LARGE1: variants seen among roughly 807,000 people sequenced by gnomAD.
LARGE1 encodes the protein xylosyl- and glucuronyltransferase LARGE1.
In LARGE1, 43 loss-of-function variants were observed where a neutral mutation model predicts 87.6. The ratio of observed to expected loss-of-function variants is 0.49; its 90% CI spans 0.38 to 0.63. The LOEUF is 0.63. LARGE1 is among the 30% of genes least tolerant of loss of function. The pLI is 0.00. For synonymous variants in LARGE1, 434 were observed against 394.6 expected, an observed-to-expected ratio of 1.10 and a Z score of -1.18; for missense variants, 802 against 1,000.2, an observed-to-expected ratio of 0.80 and a Z score of 2.67.
At chr22:33,547,013 T>C (rs1415555165) in intron 6 of LARGE1, among the ~76,000 whole-genome samples, 1 of 152,058 alleles carries the variant, frequency 6.6e-6, no homozygotes, top group African/African-American at 2.4e-5. Flanking sequence ...ACTTGCCAGT[T>C]AGAAGATTTT....
intron 2 of LARGE1, among the ~76,000 whole-genome samples, chr22:33,664,093 C>T (rs911601906): frequency 3.3e-5 from 5 of 152,200 alleles, no homozygotes; most frequent in East Asian, 1.9e-4. Context: ...TGTCTCAACA[C>T]GTCAACTGAA....
intron 2 of LARGE1, among the ~76,000 whole-genome samples, chr22:33,675,596 C>T (rs533724343): frequency 5.9e-5 from 9 of 152,214 alleles, no homozygotes; most frequent in African/African-American, 2.2e-4. Context: ...GGAGATCCAG[C>T]GATGAGCTGC....
At chr22:33,399,578 CT>C (rs1024118651) in intron 7 of LARGE1, among the ~76,000 whole-genome samples, 2 of 151,288 alleles carry the variant, frequency 1.3e-5, no homozygotes, top group Non-Finnish European at 3.0e-5. Context: ...GAAACTTCTG[CT>C]TTTTTTTTGC....
chr22:33,371,354 T>C (rs2064802580), intron 9 of LARGE1, among the ~76,000 whole-genome samples: 1 of 152,180 alleles, frequency 6.6e-6, no homozygotes, highest in Non-Finnish European at 1.5e-5. Flanking sequence ...CAGCATACAT[T>C]TTTGGCTGGG....
chr22:33,239,765 C>T (rs1022399473), intron 11 of LARGE1, among the ~76,000 whole-genome samples: 7 of 151,906 alleles, frequency 4.6e-5, no homozygotes, highest in Non-Finnish European at 1.0e-4. Flanking sequence ...TCTCGAACTC[C>T]TGACCTTGTG....
chr22:33,544,694 C>CAACAACAACAACCACA (rs1555952160), intron 6 of LARGE1, among the ~76,000 whole-genome samples: 8 of 136,530 alleles, frequency 5.9e-5, no homozygotes, highest in African/African-American at 2.3e-4. Context: ...AAACAACAAC[C>CAACAACAACAACCACA]ACAACAACAA....
intron 3 of LARGE1, among the ~76,000 whole-genome samples, chr22:33,633,012 G>T (rs1024548065): frequency 6.6e-5 from 10 of 152,160 alleles, no homozygotes; most frequent in African/African-American, 2.4e-4. Flanking sequence ...GCAGAACTGT[G>T]AACTGGGTTC....
intron 6 of LARGE1, among the ~76,000 whole-genome samples, chr22:33,464,660 C>T: frequency 6.6e-6 from 1 of 152,130 alleles, no homozygotes; most frequent in African/African-American, 2.4e-5. Flanking sequence ...TCTCAGGTAT[C>T]ATTCTTCTAG....
intron 9 of LARGE1, among the ~76,000 whole-genome samples, chr22:33,341,356 A>G (rs144776850): frequency 9.1e-4 from 138 of 152,070 alleles, no homozygotes; most frequent in African/African-American, 3.2e-3. Context: ...GCCAGACTGG[A>G]CTACGACACT....
chr22:33,246,201 A>T (rs1340599589), intron 11 of LARGE1, among the ~76,000 whole-genome samples: 3 of 152,188 alleles, frequency 2.0e-5, no homozygotes, highest in Non-Finnish European at 4.4e-5. Flanking sequence ...CAAGTGTAGA[A>T]GAGTCCAACA....
At chr22:33,425,030 G>A (rs1017582414) in intron 7 of LARGE1, among the ~76,000 whole-genome samples, 3 of 151,926 alleles carry the variant, frequency 2.0e-5, no homozygotes, top group African/African-American at 7.3e-5. Flanking sequence ...TTGGGAGGTG[G>A]AAACGGGTGG....
intron 11 of LARGE1, among the ~76,000 whole-genome samples, chr22:33,189,138 G>A (rs1294843251): frequency 6.6e-6 from 1 of 152,136 alleles, no homozygotes. Context: ...CCACAAAGCT[G>A]GAAAGAGTGG....
chr22:33,309,977 G>A (rs964773308), intron 11 of LARGE1, among the ~76,000 whole-genome samples: 6 of 152,136 alleles, frequency 3.9e-5, no homozygotes, highest in African/African-American at 1.4e-4. Context: ...TTAAAACATC[G>A]CTCTGCCTGT....
At chr22:33,780,119 C>T (rs752869774) in intron 1 of LARGE1, among the ~76,000 whole-genome samples, 3 of 152,318 alleles carry the variant, frequency 2.0e-5, no homozygotes, top group Non-Finnish European at 2.9e-5. Context: ...CCAACCTTCA[C>T]GCGACATTGT....
intron 7 of LARGE1, among the ~76,000 whole-genome samples, chr22:33,388,011 T>C (rs1569118292): frequency 6.6e-6 from 1 of 152,242 alleles, no homozygotes; most frequent in Non-Finnish European, 1.5e-5. Context: ...CTTGTTTTTA[T>C]ATTTTTATCC....
chr22:33,076,954 GACT>G, the LARGE1 span, among the ~76,000 whole-genome samples: 1 of 152,112 alleles, frequency 6.6e-6, no homozygotes, highest in African/African-American at 2.4e-5. Context: ...TCTGGAATCA[GACT>G]GCCAGGGTTC....
At chr22:33,240,677 T>C (rs1014175227) in intron 11 of LARGE1, among the ~76,000 whole-genome samples, 1 of 152,216 alleles carries the variant, frequency 6.6e-6, no homozygotes, top group Non-Finnish European at 1.5e-5. Context: ...CATTTTAAAA[T>C]AAACTTGTTA....
At chr22:33,735,778 C>A in intron 2 of LARGE1, among the ~76,000 whole-genome samples, 1 of 152,142 alleles carries the variant, frequency 6.6e-6, no homozygotes, top group East Asian at 1.9e-4. Context: ...AGAAAACAAA[C>A]CCCAACCCTC....
intron 2 of LARGE1, among the ~76,000 whole-genome samples, chr22:33,697,702 T>A (rs1006693141): frequency 1.3e-5 from 2 of 152,226 alleles, no homozygotes; most frequent in Non-Finnish European, 2.9e-5. Flanking sequence ...TCTTCTGCGG[T>A]GCGCTGCAGA....
Sources: gnomAD v4.1 joint callset for allele counts (sites outside exome capture counted in the v4.1 genomes callset) on GRCh38, gnomAD v4.1.1 for gene constraint, MANE v1.5 for transcripts, NCBI Gene and HGNC (gene_info 2026-07-23, HGNC 2026-07-21) for gene names.